Variants in TSPAN5 observed in about 807,000 individuals in gnomAD.
TSPAN5 encodes tetraspanin 5.
Under a neutral mutation model 37.1 loss-of-function variants are expected in TSPAN5, and 10 were observed. The observed-to-expected ratio is 0.27, with a 90% CI of 0.17 to 0.46. The LOEUF (loss-of-function observed/expected upper bound fraction) is 0.46, where lower values mean the gene tolerates loss of function less well. Among genes scored for constraint, TSPAN5 ranks in the 20% least tolerant of loss-of-function variants. The pLI is 1.00. For missense variants in TSPAN5, 195 were observed against 326.6 expected, an observed-to-expected ratio of 0.60 and a Z score of 3.11; for synonymous variants, 110 against 118.9, an observed-to-expected ratio of 0.93 and a Z score of 0.48.
intron 1 of TSPAN5, among the ~76,000 whole-genome samples, chr4:98,533,602 G>C (rs1451185975): frequency 3.3e-5 from 4 of 122,746 alleles, no homozygotes; most frequent in Non-Finnish European, 4.8e-5. Flanking sequence ...CCAGGCTGGG[G>C]TGCAGTGGCG....
At chr4:98,565,578 G>A (rs1404661447) in intron 1 of TSPAN5, among the ~76,000 whole-genome samples, 2 of 152,306 alleles carry the variant, frequency 1.3e-5, no homozygotes, top group East Asian at 1.9e-4. Context: ...AGATATTCTT[G>A]TGGATGTGAC....
At chr4:98,564,885 C>A (rs986151688) in intron 1 of TSPAN5, among the ~76,000 whole-genome samples, 1 of 152,088 alleles carries the variant, frequency 6.6e-6, no homozygotes, top group Non-Finnish European at 1.5e-5. Flanking sequence ...AAACCCTAGA[C>A]ATCATGTTCC....
chr4:98,584,404 G>C (rs1755441140), intron 1 of TSPAN5, among the ~76,000 whole-genome samples: 1 of 152,224 alleles, frequency 6.6e-6, no homozygotes, highest in Non-Finnish European at 1.5e-5. Flanking sequence ...ACTGAGGTCA[G>C]AGATTGCGTA....
chr4:98,541,690 A>AG (rs1365105491), intron 1 of TSPAN5, among the ~76,000 whole-genome samples: 16 of 124,088 alleles, frequency 1.3e-4, no homozygotes, highest in Admixed American at 2.5e-4. Context: ...AAAAAAAAAA[A>AG]AAAAAGAGAG....
At chr4:98,486,691 G>A (rs1752966439) in intron 3 of TSPAN5, 47 bp downstream of exon 3, 3 of 1,610,938 alleles carry the variant, frequency 1.9e-6, no homozygotes, top group Non-Finnish European at 2.5e-6. Flanking sequence ...CCTGATGGAA[G>A]GTAAAGTTTT....
intron 1 of TSPAN5, among the ~76,000 whole-genome samples, chr4:98,625,524 C>G (rs1234321582): frequency 6.6e-6 from 1 of 152,190 alleles, no homozygotes; most frequent in East Asian, 1.9e-4. Flanking sequence ...AAACAAAAGT[C>G]TGTTATGTTT....
At chr4:98,631,048 C>A (rs1756734628) in intron 1 of TSPAN5, among the ~76,000 whole-genome samples, 1 of 152,170 alleles carries the variant, frequency 6.6e-6, no homozygotes, top group Non-Finnish European at 1.5e-5. Context: ...ACACAAGATG[C>A]CAGAACTTGA....
intron 2 of TSPAN5, among the ~76,000 whole-genome samples, chr4:98,503,013 G>A (rs971783686): frequency 3.9e-5 from 6 of 151,922 alleles, no homozygotes; most frequent in Non-Finnish European, 1.5e-5. Context: ...GAGGGAGGAG[G>A]TTGATCAAAA....
chr4:98,617,658 C>T (rs1756372522), intron 1 of TSPAN5, among the ~76,000 whole-genome samples: 1 of 152,162 alleles, frequency 6.6e-6, no homozygotes, highest in Admixed American at 6.5e-5. Flanking sequence ...TAAAATAGGC[C>T]AACAGCTCCA....
chr4:98,566,836 C>T (rs1211073609), intron 1 of TSPAN5, among the ~76,000 whole-genome samples: 2 of 152,204 alleles, frequency 1.3e-5, no homozygotes, highest in Non-Finnish European at 2.9e-5. Context: ...GGGCACCGCA[C>T]GCAGGACAGG....
At chr4:98,491,118 T>C (rs937209591) in intron 2 of TSPAN5, among the ~76,000 whole-genome samples, 5 of 152,186 alleles carry the variant, frequency 3.3e-5, no homozygotes, top group Non-Finnish European at 5.9e-5. Context: ...TGCGTGTATA[T>C]ATAAATAGTG....
intron 1 of TSPAN5, among the ~76,000 whole-genome samples, chr4:98,526,446 G>A (rs112653196): frequency 6.6e-5 from 10 of 152,282 alleles, no homozygotes; most frequent in Admixed American, 2.6e-4. Flanking sequence ...CAAGACACCA[G>A]GCAATTTCCT....
chr4:98,479,247 G>C (rs967895184), intron 4 of TSPAN5, among the ~76,000 whole-genome samples: 3 of 152,228 alleles, frequency 2.0e-5, no homozygotes, highest in Admixed American at 2.0e-4. Context: ...TCAAAGTTTT[G>C]ATCTCTACAT....
intron 2 of TSPAN5, among the ~76,000 whole-genome samples, chr4:98,506,997 G>A (rs913413643): frequency 5.9e-5 from 9 of 152,144 alleles, no homozygotes; most frequent in African/African-American, 2.2e-4. Flanking sequence ...GACACAGGGG[G>A]TGTCTGCATG....
chr4:98,582,468 T>C (rs896886295), intron 1 of TSPAN5, among the ~76,000 whole-genome samples: 9 of 152,156 alleles, frequency 5.9e-5, no homozygotes, highest in African/African-American at 1.7e-4. Context: ...GAAAATGACA[T>C]AGAAAATCAC....
chr4:98,652,230 G>A (rs1757206953), intron 1 of TSPAN5, among the ~76,000 whole-genome samples: 1 of 152,118 alleles, frequency 6.6e-6, no homozygotes. Context: ...AAGTGAGACA[G>A]CCCCCACACT....
At chr4:98,579,989 A>G (rs568337098) in intron 1 of TSPAN5, among the ~76,000 whole-genome samples, 1 of 152,336 alleles carries the variant, frequency 6.6e-6, no homozygotes, top group South Asian at 2.1e-4. Context: ...TATGACTATA[A>G]TAGTAACTGT....
intron 2 of TSPAN5, among the ~76,000 whole-genome samples, chr4:98,497,771 G>A (rs1013946861): frequency 2.0e-5 from 3 of 152,142 alleles, no homozygotes; most frequent in Non-Finnish European, 2.9e-5. Context: ...GAGGGGAGAC[G>A]GTTAAGAACA....
chr4:98,487,656 G>T (rs1753002172), intron 2 of TSPAN5, among the ~76,000 whole-genome samples: 1 of 152,112 alleles, frequency 6.6e-6, no homozygotes, highest in African/African-American at 2.4e-5. Flanking sequence ...GCCTTGTGTG[G>T]TTTGCTCTGG....
Sources: allele counts gnomAD v4.1 joint callset (sites outside exome capture counted in the v4.1 genomes callset), GRCh38; gene constraint gnomAD v4.1.1; transcripts MANE v1.5; gene names NCBI Gene and HGNC (gene_info 2026-07-23, HGNC 2026-07-21).